The following HS6ST3 variants were observed in gnomAD, a reference collection of about 807,000 sequenced individuals.
HS6ST3 encodes the protein heparan sulfate 6-O-sulfotransferase 3.
Under a neutral mutation model 36.7 loss-of-function variants are expected in HS6ST3, and 12 were observed. The ratio of observed to expected loss-of-function variants is 0.33; its 90% CI spans 0.21 to 0.53. HS6ST3 has a LOEUF of 0.53. Ranked by LOEUF, HS6ST3 falls within the 20% of genes least tolerant of loss-of-function variation. HS6ST3 has a pLI of 0.95. For missense variants in HS6ST3, 584 were observed against 640.9 expected (o/e 0.91, Z 0.96); for synonymous variants, 240 against 257.5 (o/e 0.93, Z 0.65).
At chr13:96,693,329 C>T (rs1254259305) in intron 1 of HS6ST3, among the ~76,000 whole-genome samples, 4 of 152,092 alleles carry the variant, frequency 2.6e-5, no homozygotes, top group South Asian at 4.2e-4. Context: ...TTTGAGATGG[C>T]GTTTCACTTT....
At chr13:96,388,166 A>G (rs1299403002) in intron 1 of HS6ST3, among the ~76,000 whole-genome samples, 1 of 152,242 alleles carries the variant, frequency 6.6e-6, no homozygotes, top group Non-Finnish European at 1.5e-5. Flanking sequence ...TTGCATTTAA[A>G]GAGCTTAATC....
At chr13:96,652,707 G>T (rs1362596716) in intron 1 of HS6ST3, among the ~76,000 whole-genome samples, 1 of 152,046 alleles carries the variant, frequency 6.6e-6, no homozygotes, top group African/African-American at 2.4e-5. Context: ...CAGGTGTTTG[G>T]CAATCTGTAA....
intron 1 of HS6ST3, among the ~76,000 whole-genome samples, chr13:96,827,818 T>C (rs1351755433): frequency 6.6e-6 from 1 of 152,184 alleles, no homozygotes; most frequent in Non-Finnish European, 1.5e-5. Flanking sequence ...AGCTTTAAGA[T>C]TATGTGGAAT....
intron 1 of HS6ST3, among the ~76,000 whole-genome samples, chr13:96,571,377 T>C (rs1237431941): frequency 2.0e-5 from 3 of 152,212 alleles, no homozygotes; most frequent in Non-Finnish European, 4.4e-5. Context: ...CTGAGCACTA[T>C]TTAAGATTGT....
In HS6ST3 at chr13:96,158,586, G is replaced by A. The variant is rs112976992; in HGVS notation, c.707+67017G>A. Among the ~76,000 whole-genome samples the A allele has an allele frequency of 8.3e-4, 115 of 139,324 alleles. 1 individual carries two copies. Among genetic ancestry groups the A allele is most frequent in the African/African-American group, 2.7e-3 (102 of 37,726 alleles). The allele number at this position is 139,324 out of a possible 152,430, so 91.4% of individuals were successfully genotyped here. A position where few individuals can be genotyped will look rare whatever the true frequency, so the allele number is the denominator to read the frequency against. The stretch of plus-strand genomic sequence containing the variant: ...GGGAATCACCTGAACCCGGGAGGCC[G>A]AGATTGCAGTGAGCCATGATCGCGC... On this transcript the variant is annotated intron_variant, in intron 1 of 1. Transcript: ENST00000376705.
chr13:96,578,114 G>A lies in HS6ST3; in HGVS notation c.708-254376G>A, dbSNP rs144290622. On this transcript the variant is annotated intron_variant, in intron 1 of 1. Coordinates refer to ENST00000376705, the MANE Select transcript of HS6ST3 (RefSeq NM_153456.4). Reference sequence around the variant, plus strand: ...TTGGAGTGAAGAAGCCTTCCTCCCCGCACATTCCCTTATCCTCCCACACAA... The same window carrying A: ...TTGGAGTGAAGAAGCCTTCCTCCCCACACATTCCCTTATCCTCCCACACAA... Among the ~76,000 whole-genome samples, 407 of 152,244 alleles carry A rather than the reference G, an allele frequency of 2.7e-3. 1 individual carries two copies. Among genetic ancestry groups the A allele is most frequent in the African/African-American group, 9.2e-3 (382 of 41,538 alleles).
At chr13:96,209,975 T>C (rs1444767120) in intron 1 of HS6ST3, among the ~76,000 whole-genome samples, 2 of 152,234 alleles carry the variant, frequency 1.3e-5, no homozygotes, top group Non-Finnish European at 2.9e-5. Context: ...CCCAAGCAGA[T>C]TGTAATTCTG....
At chr13:96,578,282 G>A (rs1594810952) in intron 1 of HS6ST3, among the ~76,000 whole-genome samples, 2 of 152,226 alleles carry the variant, frequency 1.3e-5, no homozygotes. Flanking sequence ...CAGTCTGGAA[G>A]TGTATGGTCA....
At chr13:96,146,567 C>G (rs983660562) in intron 1 of HS6ST3, among the ~76,000 whole-genome samples, 2 of 152,108 alleles carry the variant, frequency 1.3e-5, no homozygotes, top group African/African-American at 4.8e-5. Flanking sequence ...ACAGAAACTT[C>G]TGATAGATGC....
intron 1 of HS6ST3, among the ~76,000 whole-genome samples, chr13:96,819,263 A>C (rs559389262): frequency 2.0e-5 from 3 of 152,286 alleles, no homozygotes; most frequent in East Asian, 3.9e-4. Flanking sequence ...ATCAGTGGCC[A>C]CTGCCATCAG....
chr13:96,139,950 C>T (rs1170514738), intron 1 of HS6ST3, among the ~76,000 whole-genome samples: 1 of 152,002 alleles, frequency 6.6e-6, no homozygotes, highest in East Asian at 1.9e-4. Flanking sequence ...TAATTATATG[C>T]AGATTGTTTT....
chr13:96,188,128 G>A (rs2054272940), intron 1 of HS6ST3, among the ~76,000 whole-genome samples: 1 of 151,986 alleles, frequency 6.6e-6, no homozygotes, highest in Admixed American at 6.6e-5. Context: ...ACATCCCTGG[G>A]GTGTCACTTA....
chr13:96,566,612 A>G (rs2056282346), intron 1 of HS6ST3, among the ~76,000 whole-genome samples: 1 of 152,164 alleles, frequency 6.6e-6, no homozygotes. Context: ...TCCCAATATG[A>G]CAACTGGGTA....
At chr13:96,512,220 A>G (rs2056052735) in intron 1 of HS6ST3, among the ~76,000 whole-genome samples, 2 of 152,264 alleles carry the variant, frequency 1.3e-5, no homozygotes, top group South Asian at 4.2e-4. Context: ...CTGCAAGAAC[A>G]TTCTCTATAT....
At chr13:96,427,923 C>T (rs770562079) in intron 1 of HS6ST3, among the ~76,000 whole-genome samples, 5 of 152,172 alleles carry the variant, frequency 3.3e-5, no homozygotes, top group Non-Finnish European at 5.9e-5. Context: ...CTGATGCCTA[C>T]TCATGGACAG....
chr13:96,739,928 TC>T (rs926051161), intron 1 of HS6ST3, among the ~76,000 whole-genome samples: 1 of 152,160 alleles, frequency 6.6e-6, no homozygotes, highest in Non-Finnish European at 1.5e-5. Flanking sequence ...TGCCACTGTT[TC>T]TGGATGCTAT....
At chr13:96,429,211 C>T (rs1195148195) in intron 1 of HS6ST3, among the ~76,000 whole-genome samples, 3 of 152,156 alleles carry the variant, frequency 2.0e-5, no homozygotes, top group Non-Finnish European at 2.9e-5. Context: ...TTTAATTAAA[C>T]AGGCTTAAGT....
At position 96,747,406 on chromosome 13, in the gene HS6ST3, G is replaced by A. The variant is rs569185233; in HGVS notation, c.708-85084G>A. Among the ~76,000 whole-genome samples the A allele has an allele frequency of 3.9e-5, 6 of 152,178 alleles. No homozygotes were observed. The East Asian group carries it at 1.2e-3, about 29-fold the overall frequency. ...TGATCAATATATAAAAAGACCATGT[G>A]TTTTAAAATAGGTGCTATGAAAATC... On this transcript the variant is annotated intron_variant, in intron 1 of 1. Coordinates refer to ENST00000376705, the MANE Select transcript of HS6ST3 (RefSeq NM_153456.4).
chr13:96,626,349 A>C (rs2056512370), intron 1 of HS6ST3, among the ~76,000 whole-genome samples: 1 of 152,142 alleles, frequency 6.6e-6, no homozygotes, highest in African/African-American at 2.4e-5. Context: ...TGGAAAACAA[A>C]TTATCCAGTA....
Sources: allele counts gnomAD v4.1 joint callset (sites outside exome capture counted in the v4.1 genomes callset), GRCh38; gene constraint gnomAD v4.1.1; transcripts MANE v1.5; gene names NCBI Gene and HGNC (gene_info 2026-07-23, HGNC 2026-07-21).